Variants in MAF observed in about 807,000 individuals in gnomAD.
The protein encoded by MAF is transcription factor Maf.
MAF carries 10 observed loss-of-function variants against 22.0 expected under a neutral mutation model. The ratio of observed to expected loss-of-function variants is 0.45; its 90% CI spans 0.28 to 0.77. MAF has a LOEUF of 0.77. MAF is among the 30% of genes least tolerant of loss of function. The probability of loss-of-function intolerance (pLI) is 0.12; values close to 1 mark genes in which losing one functional copy is unlikely to be tolerated. For missense variants in MAF, 544 were observed against 548.4 expected, an observed-to-expected ratio of 0.99 and a Z score of 0.08; for synonymous variants, 337 against 255.8, an observed-to-expected ratio of 1.32 and a Z score of -3.03.
the MAF span, among the ~76,000 whole-genome samples, chr16:79,381,980 G>C: frequency 6.6e-6 from 1 of 152,140 alleles, no homozygotes; most frequent in African/African-American, 2.4e-5. Flanking sequence ...AATGTGATAT[G>C]ACAGGGTACC....
chr16:79,379,662 G>C, the MAF span, among the ~76,000 whole-genome samples: 82 of 152,324 alleles, frequency 5.4e-4, no homozygotes, highest in Non-Finnish European at 8.5e-4. Context: ...CTTTGAATAA[G>C]TGAAACTAAG....
the MAF span, among the ~76,000 whole-genome samples, chr16:79,477,720 AT>A: frequency 1.5e-4 from 23 of 150,050 alleles, no homozygotes; most frequent in African/African-American, 3.4e-4. Context: ...ATTAAGTGAC[AT>A]TTTTTTTTTA....
the MAF span, among the ~76,000 whole-genome samples, chr16:79,443,337 A>G: frequency 5.3e-5 from 8 of 152,100 alleles, no homozygotes; most frequent in African/African-American, 1.9e-4. Flanking sequence ...TAATACAAGT[A>G]TTTCATGTTG....
At chr16:79,546,192 A>G in the MAF span, among the ~76,000 whole-genome samples, 3 of 152,286 alleles carry the variant, frequency 2.0e-5, no homozygotes, top group Non-Finnish European at 4.4e-5. Flanking sequence ...AAAAAGTTCT[A>G]TCATTGTGAG....
At chr16:79,486,916 G>C in the MAF span, among the ~76,000 whole-genome samples, 1 of 152,094 alleles carries the variant, frequency 6.6e-6, no homozygotes, top group Admixed American at 6.6e-5. Flanking sequence ...CCTCCTACAA[G>C]GTGGATTTTG....
the MAF span, among the ~76,000 whole-genome samples, chr16:79,347,397 C>T: frequency 6.6e-6 from 1 of 152,210 alleles, no homozygotes; most frequent in African/African-American, 2.4e-5. Flanking sequence ...CTCGGTCATA[C>T]CATTTGCATA....
the MAF span, among the ~76,000 whole-genome samples, chr16:79,347,148 G>A: frequency 6.6e-6 from 1 of 152,190 alleles, no homozygotes; most frequent in Non-Finnish European, 1.5e-5. Context: ...TATTTCATTT[G>A]CTAAAATCTG....
chr16:79,510,032 T>A, the MAF span, among the ~76,000 whole-genome samples: 1 of 152,202 alleles, frequency 6.6e-6, no homozygotes, highest in Non-Finnish European at 1.5e-5. Flanking sequence ...GCAGAACAGT[T>A]ACAAAGTCAC....
At chr16:79,359,038 C>T in the MAF span, among the ~76,000 whole-genome samples, 3 of 152,210 alleles carry the variant, frequency 2.0e-5, no homozygotes, top group African/African-American at 7.2e-5. Flanking sequence ...CTGAATAAGG[C>T]AGAATCTAGA....
chr16:79,599,841 T>C lies in MAF; in HGVS notation c.62A>G (p.Tyr21Cys). 6.2e-7 allele frequency: 1 copy of C among 1,611,470 alleles called. No homozygotes were observed. The highest frequency in any genetic ancestry group is 8.5e-7 in the Non-Finnish European group (1 of 1,179,894). The change falls in exon 1 of 2, where the codon TAT (tyrosine) becomes TGT (cysteine). Residue 21 changes from tyrosine (Y) to cysteine (C), a missense_variant. Around this residue, in one of 5 missense-constraint regions of MAF, gnomAD observed 63 missense variants for 72.7 expected, o/e 0.87. Transcript: ENST00000326043. ...DLPTSPLAME[Y>C]VNDFDLMKFE... ...CTTCATCAGATCGAAGTCATTAACA[T>C]ATTCCATGGCCAGGGGACTGGTGGG...
chr16:79,549,386 CCCTGCAGCACAG>C, the MAF span, among the ~76,000 whole-genome samples: 1 of 152,310 alleles, frequency 6.6e-6, no homozygotes, highest in Non-Finnish European at 1.5e-5. Flanking sequence ...GGATAGAACA[CCCTGCAGCACAG>C]CCACTATCCT....
chr16:79,220,825 G>A, the MAF span, among the ~76,000 whole-genome samples: 1 of 152,168 alleles, frequency 6.6e-6, no homozygotes, highest in Non-Finnish European at 1.5e-5. Flanking sequence ...AGAAGAGTAG[G>A]TATGTTTCAC....
the MAF span, among the ~76,000 whole-genome samples, chr16:79,323,445 C>T: frequency 3.6e-4 from 55 of 151,838 alleles, no homozygotes; most frequent in Non-Finnish European, 6.6e-4. Context: ...ACTGTATCAC[C>T]GATGCAACTT....
At chr16:79,389,765 A>C in the MAF span, among the ~76,000 whole-genome samples, 3 of 151,820 alleles carry the variant, frequency 2.0e-5, no homozygotes, top group Admixed American at 1.3e-4. Context: ...TCACGAGGTC[A>C]AGAAATCCAA....
the MAF span, among the ~76,000 whole-genome samples, chr16:79,481,475 C>A: frequency 9.2e-5 from 14 of 152,118 alleles, no homozygotes; most frequent in African/African-American, 3.4e-4. Flanking sequence ...TATAGATTTG[C>A]CTACACCCCC....
chr16:79,251,316 C>CTTTT, the MAF span, among the ~76,000 whole-genome samples: 263 of 131,698 alleles, frequency 2.0e-3, 4 homozygotes, highest in African/African-American at 3.1e-3. Context: ...AAGTCTTTAT[C>CTTTT]TTTTTTTTTT....
chr16:79,318,838 C>A, the MAF span, among the ~76,000 whole-genome samples: 14 of 152,182 alleles, frequency 9.2e-5, no homozygotes, highest in Non-Finnish European at 1.6e-4. Context: ...AGACTCCTCT[C>A]TTTTATTGAC....
the MAF span, among the ~76,000 whole-genome samples, chr16:79,433,734 T>C: frequency 1.3e-5 from 2 of 152,196 alleles, no homozygotes; most frequent in Non-Finnish European, 2.9e-5. Context: ...ACCTCCTGGA[T>C]GATAGTATCA....
At chr16:79,396,612 C>T in the MAF span, among the ~76,000 whole-genome samples, 1 of 152,148 alleles carries the variant, frequency 6.6e-6, no homozygotes, top group East Asian at 1.9e-4. Flanking sequence ...AGGCTCAAGT[C>T]CCTCATCTTT....
Sources: allele counts gnomAD v4.1 joint callset (sites outside exome capture counted in the v4.1 genomes callset), GRCh38; gene constraint gnomAD v4.1.1; regional missense constraint gnomAD v4.1.1; transcripts MANE v1.5; gene names NCBI Gene and HGNC (gene_info 2026-07-23, HGNC 2026-07-21).